Variants in MIB1 observed in about 807,000 individuals in gnomAD.
MIB1 encodes the protein MIB E3 ubiquitin protein ligase 1.
A neutral mutation model predicts 124.5 loss-of-function variants in MIB1; 278 were observed. The ratio of observed to expected loss-of-function variants is 2.23; its 90% CI spans 2.02 to 2.47. MIB1 has a LOEUF of 2.47. Among genes scored for constraint, MIB1 ranks in the 30% most tolerant of loss-of-function variants. MIB1 has a pLI of 0.00. For synonymous variants in MIB1, 446 were observed against 429.4 expected (o/e 1.04, Z -0.48); for missense variants, 957 against 1,254.4 (o/e 0.76, Z 3.58).
At chr18:21,843,293 A>G in intron 14 of MIB1, 76 bp downstream of exon 14, 1 of 952,066 alleles carries the variant, frequency 1.1e-6, no homozygotes, top group South Asian at 1.7e-5. Flanking sequence ...TGAAAATTGA[A>G]ATGATACAGT....
At chr18:21,812,737 G>A (rs967786109) in intron 10 of MIB1, among the ~76,000 whole-genome samples, 1 of 152,128 alleles carries the variant, frequency 6.6e-6, no homozygotes, top group Admixed American at 6.5e-5. Context: ...AACACGATCC[G>A]TTTTAGATTT....
intron 12 of MIB1, among the ~76,000 whole-genome samples, chr18:21,829,603 A>G (rs1482958723): frequency 6.6e-6 from 1 of 152,070 alleles, no homozygotes; most frequent in Non-Finnish European, 1.5e-5. Flanking sequence ...GTGTGGGTGA[A>G]TTGAACTTTT....
At chr18:21,730,440 C>T (rs182707280) in intron 1 of MIB1, among the ~76,000 whole-genome samples, 92 of 152,232 alleles carry the variant, frequency 6.0e-4, no homozygotes, top group Non-Finnish European at 1.0e-3. Flanking sequence ...TGGTGGTGTG[C>T]GCCTGTAGTC....
intron 1 of MIB1, among the ~76,000 whole-genome samples, chr18:21,717,080 A>G (rs905262507): frequency 6.6e-6 from 1 of 152,230 alleles, no homozygotes; most frequent in Non-Finnish European, 1.5e-5. Context: ...GGAATAGAAT[A>G]GAGAACCCAG....
In MIB1 at chr18:21,791,482, A is replaced by G; in HGVS notation, c.1017A>G (p.Val339=). 6.2e-7 allele frequency: 1 copy of G among 1,614,144 alleles called. No individual in the cohort carries two copies. The highest frequency in any genetic ancestry group is 8.5e-7 in the Non-Finnish European group (1 of 1,179,986). ...CGCAGTTTCAAGTGGGTGATCTTGT[A>G]CAAGTTTGTTATGACCTGGAACGAA... ...GTSQFQVGDL[V]QVCYDLERIK... Residue 339 remains valine (V), a synonymous_variant, in exon 7 of 21, where the codon GTA becomes GTG. Transcript: ENST00000261537.
chr18:21,810,438 A>G (rs540695701), intron 10 of MIB1, among the ~76,000 whole-genome samples: 35 of 152,092 alleles, frequency 2.3e-4, no homozygotes, highest in Non-Finnish European at 4.1e-4. Context: ...AGCCAAAGCA[A>G]TCTTGAGAAA....
At chr18:21,849,811 C>T (rs1413412377) in intron 17 of MIB1, among the ~76,000 whole-genome samples, 3 of 152,068 alleles carry the variant, frequency 2.0e-5, no homozygotes, top group Non-Finnish European at 4.4e-5. Flanking sequence ...AGTACAAAAA[C>T]TGTTTTGCAT....
At chr18:21,764,800 G>A (rs1468100177) in intron 1 of MIB1, among the ~76,000 whole-genome samples, 2 of 151,472 alleles carry the variant, frequency 1.3e-5, no homozygotes, top group South Asian at 2.1e-4. Context: ...CTGATAAAAC[G>A]ACCTTTTCAA....
intron 1 of MIB1, among the ~76,000 whole-genome samples, chr18:21,707,655 GC>G (rs1193287562): frequency 6.6e-6 from 1 of 152,038 alleles, no homozygotes; most frequent in Non-Finnish European, 1.5e-5. Context: ...AACTCTGGAC[GC>G]CCCTCTTTTA....
chr18:21,792,220 C>T (rs1018705061), intron 7 of MIB1, among the ~76,000 whole-genome samples: 2 of 152,024 alleles, frequency 1.3e-5, no homozygotes, highest in Admixed American at 6.6e-5. Flanking sequence ...CTGTAGTTCT[C>T]CACCTTGCGT....
Position 21,849,389 on chromosome 18 carries a change from G to T in MIB1, c.2586+1G>T. On this transcript the variant is annotated splice_donor_variant, in intron 17 of 20. Coordinates refer to ENST00000261537, the MANE Select transcript of MIB1 (RefSeq NM_020774.4). LOFTEE classifies it high-confidence loss of function. The stretch of plus-strand genomic sequence containing the variant: ...AGAACAGGTTCAATCCAGGACAAAG[G>T]TAAGATATATTTAATATAGTATTTT... The T allele has an allele frequency of 2.5e-6, 4 of 1,570,578 alleles. No individual in the cohort carries two copies. Among genetic ancestry groups the T allele is most frequent in the African/African-American group, 1.4e-5 (1 of 73,270 alleles).
intron 12 of MIB1, 143 bp downstream of exon 12, chr18:21,819,789 A>C: frequency 2.2e-6 from 1 of 448,518 alleles, no homozygotes; most frequent in Non-Finnish European, 3.8e-6. Flanking sequence ...TTATGCCTTT[A>C]GTTTTATATG....
chr18:21,769,416 A>G (rs1380822806), intron 3 of MIB1, among the ~76,000 whole-genome samples: 1 of 152,218 alleles, frequency 6.6e-6, no homozygotes, highest in Non-Finnish European at 1.5e-5. Context: ...CAGTGGAAGT[A>G]GGGATAAGAG....
rs765948951 is a variant in MIB1, at chr18:21,773,735, A to C, written c.636+7A>C. The C allele has an allele frequency of 7.0e-5, 109 of 1,556,740 alleles. No homozygotes were observed. Among genetic ancestry groups the C allele is most frequent in the Non-Finnish European group, 8.8e-5 (101 of 1,146,338 alleles). On this transcript the variant is annotated splice_region_variant and intron_variant, in intron 4 of 20. Transcript: ENST00000261537. ...AGTTGGCTTTGAGGGCATGGTAAGT[A>C]GTGAAGAGCCATAGCAGGTGAAAGA...
chr18:21,839,503 A>G (rs2042062837), intron 13 of MIB1, among the ~76,000 whole-genome samples: 1 of 152,026 alleles, frequency 6.6e-6, no homozygotes, highest in South Asian at 2.1e-4. Flanking sequence ...GCATTTGCAT[A>G]TAATTTTTTG....
chr18:21,837,435 G>A (rs1337819050), intron 12 of MIB1, among the ~76,000 whole-genome samples: 1 of 152,234 alleles, frequency 6.6e-6, no homozygotes, highest in African/African-American at 2.4e-5. Context: ...ATGAACCCAG[G>A]AGGCAGAGCT....
chr18:21,862,909 A>G (rs570327714), intron 20 of MIB1, among the ~76,000 whole-genome samples: 9 of 152,210 alleles, frequency 5.9e-5, no homozygotes, highest in Non-Finnish European at 1.2e-4. Flanking sequence ...ACCTAGATTC[A>G]GGGAATTTCA....
intron 3 of MIB1, among the ~76,000 whole-genome samples, chr18:21,773,127 G>T (rs535364742): frequency 5.9e-5 from 9 of 152,088 alleles, no homozygotes; most frequent in African/African-American, 9.6e-5. Flanking sequence ...TTAGCCAGGC[G>T]TGGTGACAGG....
chr18:21,832,338 T>C (rs2041991706), intron 12 of MIB1, among the ~76,000 whole-genome samples: 1 of 152,202 alleles, frequency 6.6e-6, no homozygotes, highest in Admixed American at 6.5e-5. Context: ...GCATGATCAT[T>C]GCACACTTTA....
Sources: allele counts gnomAD v4.1 joint callset (sites outside exome capture counted in the v4.1 genomes callset), GRCh38; gene constraint gnomAD v4.1.1; transcripts MANE v1.5; gene names NCBI Gene and HGNC (gene_info 2026-07-23, HGNC 2026-07-21).